INAVA: variants seen among roughly 807,000 people sequenced by gnomAD.
INAVA encodes the protein innate immunity activator, also known as innate immunity activator protein.
INAVA carries 32 observed loss-of-function variants against 55.3 expected under a neutral mutation model. The ratio of observed to expected loss-of-function variants is 0.58; its 90% CI spans 0.44 to 0.78. The LOEUF (loss-of-function observed/expected upper bound fraction) is 0.78, where lower values mean the gene tolerates loss of function less well. Among genes scored for constraint, INAVA ranks in the 30% least tolerant of loss-of-function variants. The pLI is 0.00. For synonymous variants in INAVA, 294 were observed against 329.4 expected (o/e 0.89, Z 1.16); for missense variants, 756 against 786.4 (o/e 0.96, Z 0.46).
At position 200,909,408 on chromosome 1, in the gene INAVA, G is replaced by A. The variant is rs1389893712; in HGVS notation, c.959+11G>A. ...GTCGCAGTCTCTGAGGTAAGAGACA[G>A]CTTCCCCAGAGAGATGGGGGACCCA... On this transcript the variant is annotated intron_variant, in intron 8 of 9. Transcript: ENST00000413687. 1 of 1,566,220 alleles carries A rather than the reference G, an allele frequency of 6.4e-7. No homozygotes were observed.
chr1:200,891,697 G>C, upstream of INAVA: 3 of 1,468,498 alleles, frequency 2.0e-6, no homozygotes, highest in Non-Finnish European at 2.7e-6. Context: ...AGCTCCATGG[G>C]ACAGGTAAGC....
chr1:200,904,245 C>T (rs1313426542), intron 5 of INAVA, among the ~76,000 whole-genome samples: 3 of 152,078 alleles, frequency 2.0e-5, no homozygotes, highest in African/African-American at 4.8e-5. Context: ...CGTGCTGCCA[C>T]GCCCAGCTAA....
In INAVA at chr1:200,911,533, C is replaced by G. The variant is rs1653723791; in HGVS notation, c.1040C>G (p.Thr347Arg). ...CGCCGCCCCACTCACTACACGGTGA[C>G]AGTGCCAGATTCCTGCTTTCCCGCG... ...PRRRPTHYTV[T>R]VPDSCFPATK... The change falls in exon 9 of 10, where the codon ACA becomes AGA. Residue 347 changes from threonine (T) to arginine (R), a missense_variant. Around this residue, in one of 2 missense-constraint regions of INAVA, gnomAD observed 639 missense variants for 624.3 expected, o/e 1.02. Transcript: ENST00000413687. 6.2e-6 allele frequency: 10 copies of G among 1,613,904 alleles called. No individual in the cohort carries two copies. The highest frequency in any genetic ancestry group is 8.5e-6 in the Non-Finnish European group (10 of 1,179,984).
rs375368974 is a variant in INAVA at position 200,900,958 on chromosome 1, C to A, written c.319C>A (p.Arg107Ser). The change falls in exon 5 of 10, where the codon CGC (arginine) becomes AGC (serine). Residue 107 changes from arginine to serine, a missense_variant. Physicochemically the swap from Arg to Ser is moderately radical, Grantham distance 110. Coordinates refer to ENST00000413687, the MANE Select transcript of INAVA (RefSeq NM_001142569.3). ...HREDPLSSLE[R>S]QLALQLQITE... ...TCAGGACCCCCTAAGCAGCCTGGAG[C>A]GCCAGCTGGCCCTGCAGCTGCAGAT... 1.2e-5 allele frequency: 18 copies of A among 1,552,488 alleles called. No homozygotes were observed. The highest frequency in any genetic ancestry group is 1.5e-5 in the Non-Finnish European group (17 of 1,147,136).
rs923813277 is a variant in INAVA at position 200,913,839 on chromosome 1, A to T, written c.*210A>T. On this transcript the variant is annotated 3_prime_UTR_variant, in exon 10 of 10. Coordinates refer to ENST00000413687, the MANE Select transcript of INAVA (RefSeq NM_001142569.3). Reference sequence around the variant, plus strand: ...GGATTGTCCTCAATACCCCTGTGATATGATTATGTTTTATCCCCCAGAGTT... The same window carrying T: ...GGATTGTCCTCAATACCCCTGTGATTTGATTATGTTTTATCCCCCAGAGTT... 9.0e-6 allele frequency: 5 copies of T among 556,982 alleles called. No individual in the cohort carries two copies. In the African/African-American group the frequency reaches 9.4e-5, roughly 10 times the overall value. 34.5% of individuals were successfully genotyped at this position (556,982 alleles called of 1,614,324 possible). A position where few individuals can be genotyped will look rare whatever the true frequency, so the allele number is the denominator to read the frequency against.
Position 200,899,985 on chromosome 1 carries a change from T to C in INAVA, c.181-119T>C, listed in dbSNP as rs1342223343. ...AGACAGTGTGGAGGATGGGATGAGG[T>C]GGGGTGGAGGGTGGTCCCACCAGGG... On this transcript the variant is annotated intron_variant, in intron 3 of 9. Coordinates refer to ENST00000413687, the MANE Select transcript of INAVA (RefSeq NM_001142569.3). 3.8e-5 allele frequency: 29 copies of C among 761,558 alleles called. 1 individual carries two copies. The highest frequency in any genetic ancestry group is 3.8e-4 in the Middle Eastern group (1 of 2,660). The allele number at this position is 761,558 out of a possible 1,614,324, so 47.2% of individuals were successfully genotyped here. A position where few individuals can be genotyped will look rare whatever the true frequency, so the allele number is the denominator to read the frequency against.
rs1180856603 is a variant in INAVA at position 200,899,749 on chromosome 1, C to T, written c.180+152C>T. The T allele has an allele frequency of 3.4e-6, 4 of 1,190,716 alleles. No homozygotes were observed. In the East Asian group the frequency reaches 7.6e-5, roughly 23 times the overall value. The allele number at this position is 1,190,716 out of a possible 1,614,324, so 73.8% of individuals were successfully genotyped here. ...GCTGGGGCCCAGAGTCCCCATGATGCAGTGTTTGACCTTGTGCTGGATGGA... is the reference window on the plus strand; with the variant it reads ...GCTGGGGCCCAGAGTCCCCATGATGTAGTGTTTGACCTTGTGCTGGATGGA... On this transcript the variant is annotated intron_variant, in intron 3 of 9. Coordinates refer to ENST00000413687, the MANE Select transcript of INAVA (RefSeq NM_001142569.3).
rs779553153 is a variant in INAVA, at chr1:200,899,613, G to A, written c.180+16G>A. The stretch of plus-strand genomic sequence containing the variant: ...TCGGGAAGCGGTGAGGCCCCAGCCA[G>A]CACACACAAGCATCGGGTTCATCTC... On this transcript the variant is annotated intron_variant, in intron 3 of 9. Transcript: ENST00000413687. 1.9e-6 allele frequency: 3 copies of A among 1,610,534 alleles called. No homozygotes were observed. Among genetic ancestry groups the A allele is most frequent in the East Asian group, 2.2e-5 (1 of 44,800 alleles).
chr1:200,899,377 GTGTGTGC>G, intron 2 of INAVA, 89 bp from the exon 3 acceptor site: 1 of 1,496,626 alleles, frequency 6.7e-7, no homozygotes, highest in African/African-American at 1.4e-5. Flanking sequence ...GTGTGTGCAT[GTGTGTGC>G]ATGTGCATTC....
In INAVA at chr1:200,911,901, T is replaced by C. The variant is rs1571874332; in HGVS notation, c.1408T>C (p.Tyr470His). ...CGAGGAGGAGGGCACTCCCCTGCGC[T>C]ACCAGCGTCTGGTGCCCTCCCGCAG... ...AYEEEGTPLR[Y>H]QRLVPSRSRI... The change falls in exon 9 of 10, where the codon TAC becomes CAC. Residue 470 changes from tyrosine to histidine, a missense_variant. By Grantham distance (83) the Tyr-to-His change is moderately conservative. Around this residue, in one of 2 missense-constraint regions of INAVA, gnomAD observed 117 missense variants for 162.1 expected, o/e 0.72. Transcript: ENST00000413687. 1.3e-6 allele frequency: 2 copies of C among 1,581,134 alleles called. No individual in the cohort carries two copies. Among genetic ancestry groups the C allele is most frequent in the African/African-American group, 2.7e-5 (2 of 74,390 alleles).
intron 1 of INAVA, among the ~76,000 whole-genome samples, chr1:200,897,807 G>A (rs1653010514): frequency 1.3e-5 from 2 of 152,064 alleles, no homozygotes; most frequent in African/African-American, 4.8e-5. Context: ...GTTTCATTTT[G>A]GAGAGATGGG....
Position 200,913,788 on chromosome 1 carries a change from G to A in INAVA, c.*159G>A, listed in dbSNP as rs113596582. 60,363 of 600,112 alleles carry A rather than the reference G, an allele frequency of 0.1. 2,373 individuals carry two copies. Among genetic ancestry groups the A allele is most frequent in the Non-Finnish European group, 0.12 (39,738 of 337,222 alleles). 37.2% of individuals were successfully genotyped at this position (600,112 alleles called of 1,614,324 possible). ...TTTTTTTACACGACTTTTTTCAGAA[G>A]CCCTGACCTAAGGATTTATATATGT... On this transcript the variant is annotated 3_prime_UTR_variant, in exon 10 of 10. Transcript: ENST00000413687.
At chr1:200,893,930 G>A (rs1668284874), upstream of INAVA, among the ~76,000 whole-genome samples, 1 of 151,924 alleles carries the variant, frequency 6.6e-6, no homozygotes, top group African/African-American at 2.4e-5. Context: ...TCTGGGTCGG[G>A]GGAATGGTGG....
At chr1:200,909,811 A>G (rs1653642677) in intron 8 of INAVA, among the ~76,000 whole-genome samples, 2 of 152,048 alleles carry the variant, frequency 1.3e-5, no homozygotes, top group Admixed American at 1.3e-4. Context: ...CAAATACTGA[A>G]CCCTTGCCCC....
chr1:200,903,814 A>AG (rs1417282558), intron 5 of INAVA, among the ~76,000 whole-genome samples: 2 of 151,684 alleles, frequency 1.3e-5, no homozygotes, highest in Non-Finnish European at 2.9e-5. Context: ...AAAAAAAAAA[A>AG]AAAAAAAAAG....
Position 200,900,229 on chromosome 1 carries a change from C to A in INAVA, c.297+9C>A, listed in dbSNP as rs1226155295. On this transcript the variant is annotated intron_variant, in intron 4 of 9. Coordinates refer to ENST00000413687, the MANE Select transcript of INAVA (RefSeq NM_001142569.3). ...GGGCCTTGCACAGAGAGGTGAGGAA[C>A]CTCAGGAAGCTGCCAGTACCCCTCG... 26 of 1,610,364 alleles carry A rather than the reference C, an allele frequency of 1.6e-5. No individual in the cohort carries two copies. Among genetic ancestry groups the A allele is most frequent in the African/African-American group, 2.7e-5 (2 of 74,866 alleles).
At chr1:200,900,906 T>C in intron 4 of INAVA, 31 bp from the exon 5 acceptor site, 1 of 1,497,984 alleles carries the variant, frequency 6.7e-7, no homozygotes, top group Non-Finnish European at 9.0e-7. Flanking sequence ...TCCCTGCCTC[T>C]CTCTAGCCTC....
chr1:200,912,302 G>A (rs1371977291), intron 9 of INAVA, among the ~76,000 whole-genome samples, 165 bp downstream of exon 9: 2 of 152,156 alleles, frequency 1.3e-5, no homozygotes, highest in African/African-American at 4.8e-5. Flanking sequence ...TTTCCTCTTG[G>A]CTTTGGAAGG....
chr1:200,900,797 C>A, intron 4 of INAVA, 140 bp from the exon 5 acceptor site: 1 of 604,918 alleles, frequency 1.7e-6, no homozygotes, highest in Admixed American at 3.3e-5. Context: ...CACGTCCGTC[C>A]ATTGGTGCTG....
Sources: gnomAD v4.1 joint callset for allele counts (sites outside exome capture counted in the v4.1 genomes callset) on GRCh38, gnomAD v4.1.1 for gene constraint, gnomAD v4.1.1 regional missense constraint, MANE v1.5 for transcripts, NCBI Gene and HGNC (gene_info 2026-07-23, HGNC 2026-07-21) for gene names.